Variants in WWOX observed in about 807,000 individuals in gnomAD.
WWOX encodes WW domain containing oxidoreductase.
WWOX carries 69 observed loss-of-function variants against 46.2 expected under a neutral mutation model. The observed-to-expected ratio is 1.49, with a 90% CI of 1.23 to 1.82. The LOEUF (loss-of-function observed/expected upper bound fraction) is 1.82. Among genes scored for constraint, WWOX ranks in the 40% most tolerant of loss-of-function variants. The probability of loss-of-function intolerance (pLI) is 0.00; values close to 1 mark genes in which losing one functional copy is unlikely to be tolerated. For missense variants in WWOX, 919 were observed against 542.6 expected (o/e 1.69, Z -6.89); for synonymous variants, 359 against 202.6 (o/e 1.77, Z -6.56).
intron 8 of WWOX, among the ~76,000 whole-genome samples, chr16:78,794,197 A>G (rs1430790477): frequency 1.3e-5 from 2 of 152,184 alleles, no homozygotes; most frequent in Non-Finnish European, 2.9e-5. Flanking sequence ...CATGTGAGAA[A>G]ACAGCAAGAA....
chr16:78,228,082 G>C (rs1287879637), intron 5 of WWOX, among the ~76,000 whole-genome samples: 3 of 152,136 alleles, frequency 2.0e-5, no homozygotes, highest in Non-Finnish European at 4.4e-5. Flanking sequence ...GGGAGAGGAA[G>C]CTGGTTGGCT....
At chr16:79,027,372 C>T (rs953422459) in intron 8 of WWOX, among the ~76,000 whole-genome samples, 1 of 151,134 alleles carries the variant, frequency 6.6e-6, no homozygotes, top group Non-Finnish European at 1.5e-5. Flanking sequence ...GAAAATTCTT[C>T]ATTGTTATTA....
At chr16:78,978,366 T>C (rs543907556) in intron 8 of WWOX, among the ~76,000 whole-genome samples, 124 of 152,198 alleles carry the variant, frequency 8.1e-4, no homozygotes, top group Non-Finnish European at 1.4e-3. Flanking sequence ...GGAGTGGAAG[T>C]GCTGGGTCAC....
At chr16:78,426,526 A>G (rs780984401) in intron 7 of WWOX, among the ~76,000 whole-genome samples, 17 of 152,312 alleles carry the variant, frequency 1.1e-4, no homozygotes, top group Non-Finnish European at 2.1e-4. Context: ...TTTGAAAGGA[A>G]GGGACTTGGG....
At chr16:78,782,714 T>C (rs942612982) in intron 8 of WWOX, among the ~76,000 whole-genome samples, 4 of 151,480 alleles carry the variant, frequency 2.6e-5, no homozygotes, top group Middle Eastern at 3.4e-3. Context: ...ATACTATATA[T>C]GCAATTTGAG....
At chr16:78,595,093 C>T (rs2738544) in intron 8 of WWOX, among the ~76,000 whole-genome samples, 16,030 of 152,230 alleles carry the variant, frequency 0.11, 1,052 homozygotes, top group East Asian at 0.21. Flanking sequence ...GCGCATGAGG[C>T]TGTGTTAGCA....
At chr16:78,698,603 T>C (rs536808953) in intron 8 of WWOX, among the ~76,000 whole-genome samples, 2 of 152,344 alleles carry the variant, frequency 1.3e-5, no homozygotes, top group African/African-American at 4.8e-5. Context: ...CTAATATTAA[T>C]ATCTTGCTTT....
chr16:78,513,506 G>C (rs1164287208), intron 8 of WWOX, among the ~76,000 whole-genome samples: 1 of 152,104 alleles, frequency 6.6e-6, no homozygotes, highest in Non-Finnish European at 1.5e-5. Flanking sequence ...ACTGTATGAT[G>C]GTTGCTTTTG....
At chr16:78,910,092 G>C (rs2045069144) in intron 8 of WWOX, among the ~76,000 whole-genome samples, 1 of 152,180 alleles carries the variant, frequency 6.6e-6, no homozygotes, top group South Asian at 2.1e-4. Context: ...TTCATGTGTA[G>C]ATGTGGTGAT....
At chr16:79,171,017 G>C (rs1393111740) in intron 8 of WWOX, among the ~76,000 whole-genome samples, 6 of 152,174 alleles carry the variant, frequency 3.9e-5, no homozygotes, top group Non-Finnish European at 2.9e-5. Context: ...TCCAAGAATA[G>C]ACCAAAGGAT....
intron 8 of WWOX, among the ~76,000 whole-genome samples, chr16:78,674,418 G>A (rs983853448): frequency 1.3e-5 from 2 of 151,914 alleles, no homozygotes; most frequent in Admixed American, 6.6e-5. Flanking sequence ...CTGAGTAGCT[G>A]GAACTACAGG....
chr16:78,368,477 G>T (rs1004749780), intron 5 of WWOX, among the ~76,000 whole-genome samples: 1 of 152,144 alleles, frequency 6.6e-6, no homozygotes, highest in Non-Finnish European at 1.5e-5. Context: ...TTTTCAATGT[G>T]GTAAAAGCTC....
intron 8 of WWOX, among the ~76,000 whole-genome samples, chr16:78,968,117 TGGC>T (rs1597217510): frequency 4.5e-5 from 4 of 88,518 alleles, no homozygotes; most frequent in Middle Eastern, 7.1e-3. Context: ...GTGGTCCGCG[TGGC>T]ACAGCGCGTG....
intron 8 of WWOX, among the ~76,000 whole-genome samples, chr16:78,583,150 T>C (rs942921426): frequency 2.6e-5 from 4 of 152,144 alleles, no homozygotes; most frequent in Non-Finnish European, 5.9e-5. Context: ...AGTCTCTTAA[T>C]TGGGGTGTCT....
At chr16:78,481,533 TC>T (rs2084486008) in intron 8 of WWOX, among the ~76,000 whole-genome samples, 1 of 151,870 alleles carries the variant, frequency 6.6e-6, no homozygotes, top group African/African-American at 2.4e-5. Context: ...GGGAGAGTCA[TC>T]CCTCACCTCC....
intron 8 of WWOX, among the ~76,000 whole-genome samples, chr16:78,733,115 A>C (rs1296612335): frequency 6.6e-6 from 1 of 152,076 alleles, no homozygotes; most frequent in South Asian, 2.1e-4. Flanking sequence ...CCGCTGTTAC[A>C]TCATTTGTTT....
intron 8 of WWOX, among the ~76,000 whole-genome samples, chr16:78,810,665 G>T (rs1448809464): frequency 6.6e-6 from 1 of 152,184 alleles, no homozygotes; most frequent in African/African-American, 2.4e-5. Context: ...TAATTGTTAA[G>T]CCTGCCTAAT....
At chr16:78,975,210 T>A (rs919482256) in intron 8 of WWOX, among the ~76,000 whole-genome samples, 1 of 152,202 alleles carries the variant, frequency 6.6e-6, no homozygotes, top group African/African-American at 2.4e-5. Context: ...ATTAGCCTCA[T>A]CTGGTTCAAG....
chr16:78,755,747 T>G (rs2049629306), intron 8 of WWOX, among the ~76,000 whole-genome samples: 1 of 152,146 alleles, frequency 6.6e-6, no homozygotes, highest in Admixed American at 6.5e-5. Flanking sequence ...TGCCGAATAT[T>G]ATTCCTGAAA....
Sources: gnomAD v4.1 joint callset for allele counts (sites outside exome capture counted in the v4.1 genomes callset) on GRCh38, gnomAD v4.1.1 for gene constraint, MANE v1.5 for transcripts, NCBI Gene and HGNC (gene_info 2026-07-23, HGNC 2026-07-21) for gene names.